The following ASH2L variants were observed in gnomAD, a reference collection of about 807,000 sequenced individuals.
ASH2L encodes the protein set1/Ash2 histone methyltransferase complex subunit ASH2.
A neutral mutation model predicts 81.1 loss-of-function variants in ASH2L; 30 were observed. The observed-to-expected ratio is 0.37, with a 90% CI of 0.28 to 0.50. The LOEUF is 0.50. ASH2L is among the 20% of genes least tolerant of loss of function. The pLI, the probability that ASH2L is intolerant of heterozygous loss-of-function variation, is 0.95. For synonymous variants in ASH2L, 273 were observed against 279.9 expected, an observed-to-expected ratio of 0.98 and a Z score of 0.24; for missense variants, 559 against 792.1, an observed-to-expected ratio of 0.71 and a Z score of 3.53.
At chr8:38,109,535 A>T (rs1810595572) in intron 3 of ASH2L, among the ~76,000 whole-genome samples, 1 of 152,164 alleles carries the variant, frequency 6.6e-6, no homozygotes, top group African/African-American at 2.4e-5. Context: ...TTTTCCTGTC[A>T]TCTTGTGCAA....
rs1802225060 is a variant in ASH2L at position 38,135,727 on chromosome 8, G to A, written c.1680G>A (p.Gly560=). The A allele has an allele frequency of 1.2e-6, 2 of 1,612,604 alleles. No homozygotes were observed. The highest frequency in any genetic ancestry group is 1.3e-5 in the African/African-American group (1 of 74,740). The change falls in exon 14 of 16, where the codon GGG becomes GGA. Residue 560 remains glycine, a synonymous_variant. Coordinates refer to ENST00000343823, the MANE Select transcript of ASH2L (RefSeq NM_004674.5). ...TGGCTTACAAAGATATTTTTGAGGG[G>A]GTTTACTTCCCAGCCATCTCACTGT... The part of the protein sequence containing the change: ...QGVAYKDIFE[G]VYFPAISLYK...
chr8:38,136,871 C>G (rs1802277101), intron 14 of ASH2L, among the ~76,000 whole-genome samples: 1 of 151,098 alleles, frequency 6.6e-6, no homozygotes, highest in African/African-American at 2.4e-5. Flanking sequence ...TCAGGCAGAC[C>G]ATTTGAGGTC....
chr8:38,115,792 T>C (rs1434633263), intron 7 of ASH2L, among the ~76,000 whole-genome samples: 2 of 152,238 alleles, frequency 1.3e-5, no homozygotes, highest in Non-Finnish European at 2.9e-5. Flanking sequence ...TCTACCCAAG[T>C]TGATTGATTA....
rs76010018 is a variant in ASH2L at position 38,119,071 on chromosome 8, C to T, written c.854-199C>T. On this transcript the variant is annotated intron_variant, in intron 8 of 15. Coordinates refer to ENST00000343823, the MANE Select transcript of ASH2L (RefSeq NM_004674.5). Reference sequence around the variant, plus strand: ...TGCTGGATTCATTTGAGTTTATTGCCAGAACCCAGTGTTCCCAGGCTATGA... The same window carrying T: ...TGCTGGATTCATTTGAGTTTATTGCTAGAACCCAGTGTTCCCAGGCTATGA... 4.3e-3 allele frequency: 2,179 copies of T among 502,390 alleles called. 58 individuals carry two copies. The highest frequency in any genetic ancestry group is 0.04 in the African/African-American group (1,968 of 49,074). The allele number at this position is 502,390 out of a possible 1,614,324, so 31.1% of individuals were successfully genotyped here.
chr8:38,119,434 G>A, intron 9 of ASH2L, 71 bp downstream of exon 9: 1 of 1,268,234 alleles, frequency 7.9e-7, no homozygotes, highest in East Asian at 2.8e-5. Flanking sequence ...TCCAGCAGAG[G>A]GAAGAGAGTT....
intron 5 of ASH2L, among the ~76,000 whole-genome samples, chr8:38,112,528 G>T (rs1225621811): frequency 6.6e-6 from 1 of 152,070 alleles, no homozygotes; most frequent in Non-Finnish European, 1.5e-5. Context: ...CTCCCAAGGT[G>T]CTGAGATTAC....
At chr8:38,137,080 G>A (rs1239663532) in intron 14 of ASH2L, among the ~76,000 whole-genome samples, 2 of 146,832 alleles carry the variant, frequency 1.4e-5, no homozygotes, top group Non-Finnish European at 3.0e-5. Flanking sequence ...GCAATAGAGT[G>A]AGACTCCGTC....
At chr8:38,130,847 T>C (rs1430403999) in intron 12 of ASH2L, among the ~76,000 whole-genome samples, 1 of 152,220 alleles carries the variant, frequency 6.6e-6, no homozygotes, top group African/African-American at 2.4e-5. Flanking sequence ...CCCAAAGTGC[T>C]GGGATTACAG....
chr8:38,106,544 G>C, intron 2 of ASH2L, 100 bp downstream of exon 2: 1 of 1,027,580 alleles, frequency 9.7e-7, no homozygotes, highest in South Asian at 1.5e-5. Flanking sequence ...GCCTTGCTCT[G>C]TCGCCCAGGC....
rs748921689 is a variant in ASH2L at position 38,139,030 on chromosome 8, A to G, written c.1846A>G (p.Thr616Ala). 3.7e-6 allele frequency: 6 copies of G among 1,609,916 alleles called. No individual in the cohort carries two copies. ...GGCTGACGTCTTGTATCACGTGGAG[A>G]CAGAAGTGGATGGGAGGCGCAGTCC... The part of the protein sequence containing the change: ...TLADVLYHVE[T>A]EVDGRRSPPW... Residue 616 changes from threonine (T) to alanine (A), a missense_variant, in exon 16 of 16, where the codon ACA becomes GCA. By Grantham distance (58) the Thr-to-Ala change is moderately conservative. This residue lies in a region of ASH2L where 95 missense variants were observed against 130.7 expected (regional missense o/e 0.73). Transcript: ENST00000343823.
At chr8:38,127,069 G>A (rs1801877335) in intron 10 of ASH2L, among the ~76,000 whole-genome samples, 1 of 151,822 alleles carries the variant, frequency 6.6e-6, no homozygotes. Flanking sequence ...GGCTGAGGCA[G>A]GAGGATTGTT....
chr8:38,134,948 A>G (rs1443228261), intron 13 of ASH2L, among the ~76,000 whole-genome samples: 2 of 152,162 alleles, frequency 1.3e-5, no homozygotes, highest in Admixed American at 6.6e-5. Context: ...GAGAACTTCA[A>G]AGTGAAAAAG....
Position 38,133,319 on chromosome 8 carries a change from A to G in ASH2L, c.1528-135A>G, listed in dbSNP as rs895740037. On this transcript the variant is annotated intron_variant, in intron 12 of 15. Transcript: ENST00000343823. ...AGTGTGTAATAGTTCAAAATCTAGC[A>G]AAACTCAACTGCAAAGATTTTTAAT... is the stretch of plus-strand genomic sequence containing the variant. 12 of 660,582 alleles carry G rather than the reference A, an allele frequency of 1.8e-5. No individual in the cohort carries two copies. In the African/African-American group the frequency reaches 2.2e-4, roughly 12 times the overall value. The allele number at this position is 660,582 out of a possible 1,614,324, so 40.9% of individuals were successfully genotyped here. A position where few individuals can be genotyped will look rare whatever the true frequency, so the allele number is the denominator to read the frequency against.
chr8:38,130,890 GT>G (rs1199958831), intron 12 of ASH2L, among the ~76,000 whole-genome samples: 4 of 152,144 alleles, frequency 2.6e-5, no homozygotes, highest in Admixed American at 2.6e-4. Context: ...AGATTTTTAT[GT>G]ATAGTATGGA....
chr8:38,136,921 G>C (rs562863064), intron 14 of ASH2L, among the ~76,000 whole-genome samples: 1 of 150,884 alleles, frequency 6.6e-6, no homozygotes, highest in Non-Finnish European at 1.5e-5. Flanking sequence ...GTGAGACCTC[G>C]TTGCTACTAA....
Position 38,133,857 on chromosome 8 carries a change from C to T in ASH2L, c.1620+311C>T, listed in dbSNP as rs553997376. The stretch of plus-strand genomic sequence containing the variant: ...GCTCATTGAGAACGGGCCATGATGA[C>T]GATGGCGGTTTTGTGGAATAGAAAA... On this transcript the variant is annotated intron_variant, in intron 13 of 15. Transcript: ENST00000343823. Among the ~76,000 whole-genome samples the T allele has an allele frequency of 7.7e-4, 117 of 152,028 alleles. 2 individuals carry two copies. In the South Asian group the frequency reaches 0.021, roughly 27 times the overall value.
intron 7 of ASH2L, 40 bp downstream of exon 7, chr8:38,115,040 C>T (rs765382081): frequency 1.5e-6 from 2 of 1,316,520 alleles, no homozygotes; most frequent in Non-Finnish European, 2.2e-6. Flanking sequence ...TGATTTTAAG[C>T]CACTCGGGGA....
At chr8:38,136,243 T>C (rs546535722) in intron 14 of ASH2L, among the ~76,000 whole-genome samples, 1 of 151,734 alleles carries the variant, frequency 6.6e-6, no homozygotes, top group East Asian at 1.9e-4. Flanking sequence ...TTTTTGGTTT[T>C]TGTTTTTGTA....
At chr8:38,117,093 C>T (rs1810936498) in intron 8 of ASH2L, among the ~76,000 whole-genome samples, 1 of 152,156 alleles carries the variant, frequency 6.6e-6, no homozygotes. Flanking sequence ...TTCCTGTGCC[C>T]ATCTTCTAAT....
Sources: allele counts gnomAD v4.1 joint callset (sites outside exome capture counted in the v4.1 genomes callset), GRCh38; gene constraint gnomAD v4.1.1; regional missense constraint gnomAD v4.1.1; transcripts MANE v1.5; gene names NCBI Gene and HGNC (gene_info 2026-07-23, HGNC 2026-07-21).